The following PTPRD variants were observed in gnomAD, a reference collection of about 807,000 sequenced individuals.
PTPRD encodes the protein protein tyrosine phosphatase receptor type D, also known as receptor-type tyrosine-protein phosphatase delta.
In PTPRD, 34 loss-of-function variants were observed where a neutral mutation model predicts 214.5. That is an observed-to-expected ratio of 0.16 (90% CI 0.12 to 0.21). PTPRD has a LOEUF of 0.21. PTPRD is among the 10% of genes least tolerant of loss of function. The pLI is 1.00. For synonymous variants in PTPRD, 1,128 were observed against 845.7 expected, an observed-to-expected ratio of 1.33 and a Z score of -5.79; for missense variants, 2,545 against 2,398.7, an observed-to-expected ratio of 1.06 and a Z score of -1.27.
chr9:8,365,150 T>TA (rs199720041), intron 39 of PTPRD, among the ~76,000 whole-genome samples: 3 of 151,736 alleles, frequency 2.0e-5, no homozygotes, highest in African/African-American at 4.8e-5. Context: ...AAAAAAAAAT[T>TA]AAAAAAAGAG....
At chr9:8,690,818 T>A (rs1280998394) in intron 12 of PTPRD, among the ~76,000 whole-genome samples, 1 of 152,188 alleles carries the variant, frequency 6.6e-6, no homozygotes, top group African/African-American at 2.4e-5. Flanking sequence ...CATTACTTAA[T>A]TTCAATTTTC....
At chr9:8,427,197 C>T (rs905030821) in intron 35 of PTPRD, among the ~76,000 whole-genome samples, 4 of 152,086 alleles carry the variant, frequency 2.6e-5, no homozygotes, top group East Asian at 1.9e-4. Context: ...TGAGTTAAAT[C>T]TGAGAGGTCT....
chr9:9,859,492 A>T (rs763326648), intron 5 of PTPRD, among the ~76,000 whole-genome samples: 6 of 152,226 alleles, frequency 3.9e-5, no homozygotes, highest in Non-Finnish European at 7.3e-5. Flanking sequence ...ATTATTTAAC[A>T]TCCTTATCCT....
chr9:10,173,277 A>C (rs1032754730), intron 3 of PTPRD, among the ~76,000 whole-genome samples: 1 of 152,216 alleles, frequency 6.6e-6, no homozygotes, highest in African/African-American at 2.4e-5. Context: ...CTTTGAAAAG[A>C]AATTAGAAAA....
At chr9:9,333,857 T>C (rs750749789) in intron 9 of PTPRD, among the ~76,000 whole-genome samples, 1 of 151,958 alleles carries the variant, frequency 6.6e-6, no homozygotes, top group African/African-American at 2.4e-5. Context: ...TATTTGCCAA[T>C]AGTATATATT....
At chr9:10,290,277 A>G (rs574695184) in intron 3 of PTPRD, among the ~76,000 whole-genome samples, 6 of 152,242 alleles carry the variant, frequency 3.9e-5, no homozygotes, top group African/African-American at 1.2e-4. Flanking sequence ...TTCCCTTTGT[A>G]TGACAGGCTG....
intron 9 of PTPRD, among the ~76,000 whole-genome samples, chr9:9,390,262 T>C (rs557450299): frequency 2.9e-4 from 44 of 152,298 alleles, no homozygotes; most frequent in South Asian, 4.1e-4. Flanking sequence ...TTGAAGGCCA[T>C]TGTAAGGACT....
rs1408235093 is a variant in PTPRD at position 8,317,211 on chromosome 9, C to G, written c.*663G>C. ...TTCTACAGCAAGATATTACAGATAACAGTTCTACAGCTTAAAAAAACCTAC... is the reference window on the plus strand; with the variant it reads ...TTCTACAGCAAGATATTACAGATAAGAGTTCTACAGCTTAAAAAAACCTAC... On this transcript the variant is annotated 3_prime_UTR_variant, in exon 46 of 46. Coordinates refer to ENST00000381196, the MANE Select transcript of PTPRD (RefSeq NM_002839.4). 2.2e-5 allele frequency: 5 copies of G among 231,418 alleles called. No homozygotes were observed. Among genetic ancestry groups the G allele is most frequent in the Non-Finnish European group, 2.6e-5 (3 of 116,950 alleles). 14.3% of individuals were successfully genotyped at this position (231,418 alleles called of 1,614,324 possible). A position where few individuals can be genotyped will look rare whatever the true frequency, so the allele number is the denominator to read the frequency against.
chr9:8,865,275 G>A (rs1334837227), intron 11 of PTPRD, among the ~76,000 whole-genome samples: 1 of 152,134 alleles, frequency 6.6e-6, no homozygotes, highest in East Asian at 1.9e-4. Context: ...AATCTGTGTT[G>A]GATCATTTAA....
At chr9:8,333,795 G>C (rs1024511955) in intron 43 of PTPRD, among the ~76,000 whole-genome samples, 2 of 151,178 alleles carry the variant, frequency 1.3e-5, no homozygotes, top group African/African-American at 4.8e-5. Context: ...CTCACACGCA[G>C]AGATACACAT....
chr9:9,363,489 A>G (rs2056912600), intron 9 of PTPRD, among the ~76,000 whole-genome samples: 1 of 151,462 alleles, frequency 6.6e-6, no homozygotes, highest in Non-Finnish European at 1.5e-5. Context: ...TTTAAAGGTT[A>G]GGAAAAACCA....
intron 2 of PTPRD, among the ~76,000 whole-genome samples, chr9:10,396,958 T>C (rs1302564040): frequency 6.6e-5 from 10 of 151,880 alleles, no homozygotes. Context: ...CAAACAATCT[T>C]TCTGACAATT....
chr9:9,557,830 A>G (rs919110183), intron 8 of PTPRD, among the ~76,000 whole-genome samples: 3 of 152,036 alleles, frequency 2.0e-5, no homozygotes, highest in Admixed American at 2.0e-4. Context: ...GTCTGAGGGG[A>G]GTGGGTGGAT....
intron 11 of PTPRD, among the ~76,000 whole-genome samples, chr9:8,937,594 T>C (rs1390102195): frequency 6.6e-6 from 1 of 152,170 alleles, no homozygotes. Context: ...TTTTCACCTC[T>C]ACAGCTTTGC....
At chr9:9,959,386 G>C (rs534686885) in intron 4 of PTPRD, among the ~76,000 whole-genome samples, 1 of 152,242 alleles carries the variant, frequency 6.6e-6, no homozygotes, top group Admixed American at 6.5e-5. Context: ...TTTTAGAACA[G>C]CAAAATTATT....
At chr9:8,444,839 T>C (rs2095665145) in intron 34 of PTPRD, among the ~76,000 whole-genome samples, 1 of 152,192 alleles carries the variant, frequency 6.6e-6, no homozygotes, top group African/African-American at 2.4e-5. Context: ...AAACTTTCCT[T>C]GCAAATGGGG....
rs766452121 is a variant in PTPRD at position 8,500,897 on chromosome 9, A to G, written c.1985T>C (p.Ile662Thr). 1.9e-6 allele frequency: 3 copies of G among 1,614,152 alleles called. No individual in the cohort carries two copies. Among genetic ancestry groups the G allele is most frequent in the South Asian group, 2.2e-5 (2 of 91,072 alleles). ...VDGEDDKPHE[I>T]LGIPSDTTKY... Reference sequence around the variant, plus strand: ...GGTAGTGTCCGAAGGAATTCCCAAAATCTCGTGAGGCTTGTCATCTTCCCC... The same window carrying G: ...GGTAGTGTCCGAAGGAATTCCCAAAGTCTCGTGAGGCTTGTCATCTTCCCC... Residue 662 changes from isoleucine (I) to threonine (T), a missense_variant, in exon 24 of 46, where the codon ATT (isoleucine) becomes ACT (threonine). Physicochemically the swap from Ile to Thr is moderately conservative, Grantham distance 89 (BLOSUM62 -1). Transcript: ENST00000381196.
At chr9:10,480,542 G>A (rs2757858) in intron 2 of PTPRD, among the ~76,000 whole-genome samples, 81,998 of 151,674 alleles carry the variant, frequency 0.54, 22,533 homozygotes, top group Admixed American at 0.66. Flanking sequence ...ATAAACTTCC[G>A]AAGAAATAAG....
chr9:9,858,106 T>C (rs1347877370), intron 5 of PTPRD, among the ~76,000 whole-genome samples: 1 of 152,206 alleles, frequency 6.6e-6, no homozygotes, highest in African/African-American at 2.4e-5. Context: ...ATATAGTCTG[T>C]GCAATTGTTT....
Sources: allele counts gnomAD v4.1 joint callset (sites outside exome capture counted in the v4.1 genomes callset), GRCh38; gene constraint gnomAD v4.1.1; transcripts MANE v1.5; gene names NCBI Gene and HGNC (gene_info 2026-07-23, HGNC 2026-07-21).